RERE: variants seen among roughly 807,000 people sequenced by gnomAD.
RERE encodes arginine-glutamic acid dipeptide repeats protein.
RERE carries 40 observed loss-of-function variants against 146.1 expected under a neutral mutation model. That is an observed-to-expected ratio of 0.27 (90% confidence interval 0.21 to 0.36). The LOEUF is 0.36. Ranked by LOEUF, RERE falls within the 10% of genes least tolerant of loss-of-function variation. The pLI is 1.00. For missense variants in RERE, 1,933 were observed against 2,138.7 expected (o/e 0.90, Z 1.90); for synonymous variants, 1,003 against 866.0 (o/e 1.16, Z -2.78).
rs199558409 is a variant in RERE, at chr1:8,549,517, G to GA, written c.725+6957dup. ...TCCAATTAATAAGTGTAGAAGAAAA[G>GA]AAAAAAAAATGAAAAACCACCATAG... On this transcript the variant is annotated intron_variant, in intron 6 of 22. Coordinates refer to ENST00000400908, the MANE Select transcript of RERE (RefSeq NM_001042681.2). 3.5e-3 allele frequency among the ~76,000 whole-genome samples: 520 copies of GA among 150,382 alleles called. 1 individual carries two copies. The highest frequency in any genetic ancestry group is 0.012 in the African/African-American group (479 of 41,032).
At chr1:8,464,450 A>T (rs1644568919) in intron 11 of RERE, among the ~76,000 whole-genome samples, 1 of 152,026 alleles carries the variant, frequency 6.6e-6, no homozygotes, top group African/African-American at 2.4e-5. Flanking sequence ...ACCCCCAGAG[A>T]CCACCGGACT....
intron 4 of RERE, among the ~76,000 whole-genome samples, chr1:8,603,389 C>A (rs748241205): frequency 6.6e-6 from 1 of 152,192 alleles, no homozygotes; most frequent in Non-Finnish European, 1.5e-5. Context: ...AAAACCGAGT[C>A]ATTACAAGGA....
intron 1 of RERE, among the ~76,000 whole-genome samples, chr1:8,791,856 C>T (rs1569807068): frequency 6.6e-6 from 1 of 152,254 alleles, no homozygotes; most frequent in African/African-American, 2.4e-5. Context: ...GAAAAGAAAA[C>T]TTGTCAGAAA....
chr1:8,590,474 A>G (rs552558458), intron 4 of RERE, among the ~76,000 whole-genome samples: 6 of 152,268 alleles, frequency 3.9e-5, no homozygotes, highest in African/African-American at 9.6e-5. Flanking sequence ...AAATTAACTC[A>G]GGAAACAAAT....
chr1:8,545,156 T>C (rs947877472), intron 6 of RERE, among the ~76,000 whole-genome samples: 1 of 152,182 alleles, frequency 6.6e-6, no homozygotes, highest in Non-Finnish European at 1.5e-5. Flanking sequence ...CTTGCTGAAA[T>C]AACCAGTTCC....
chr1:8,705,583 G>C (rs1639541668), intron 1 of RERE, among the ~76,000 whole-genome samples: 1 of 152,150 alleles, frequency 6.6e-6, no homozygotes, highest in Non-Finnish European at 1.5e-5. Flanking sequence ...ATCTCCGTTT[G>C]TAAGTCATGG....
chr1:8,700,097 G>A (rs1160491122), intron 1 of RERE, among the ~76,000 whole-genome samples: 1 of 152,128 alleles, frequency 6.6e-6, no homozygotes, highest in Non-Finnish European at 1.5e-5. Flanking sequence ...ACAAGGTCAG[G>A]AGTTCGAGAC....
chr1:8,453,102 A>T (rs1644407495), intron 11 of RERE, among the ~76,000 whole-genome samples: 1 of 152,210 alleles, frequency 6.6e-6, no homozygotes, highest in Non-Finnish European at 1.5e-5. Context: ...AGGGAATGTG[A>T]GCTGATTATG....
intron 1 of RERE, among the ~76,000 whole-genome samples, chr1:8,758,908 GTATA>G (rs1160948043): frequency 6.6e-6 from 1 of 151,478 alleles, no homozygotes; most frequent in African/African-American, 2.4e-5. Flanking sequence ...ATTCCACAAT[GTATA>G]TATATTTCAA....
chr1:8,749,801 G>A (rs1640494214), intron 1 of RERE, among the ~76,000 whole-genome samples: 1 of 152,160 alleles, frequency 6.6e-6, no homozygotes, highest in Admixed American at 6.5e-5. Context: ...TTAAGGAAGA[G>A]AACGAGGTGA....
chr1:8,635,967 C>CTTATT lies in RERE; in HGVS notation c.326-11588_326-11587insAATAA, dbSNP rs1248672363. Among the ~76,000 whole-genome samples, 638 of 146,414 alleles carry CTTATT rather than the reference C, an allele frequency of 4.4e-3. 2 individuals carry two copies. The highest frequency in any genetic ancestry group is 6.6e-3 in the Non-Finnish European group (437 of 66,448). On this transcript the variant is annotated intron_variant, in intron 2 of 22. Coordinates refer to ENST00000400908, the MANE Select transcript of RERE (RefSeq NM_001042681.2). ...TTTATTTTATCTTATCTTATCTTAT[C>CTTATT]TTATCTTATCTTATTTTATTTTATT...
chr1:8,728,833 GCTAGCAA>G (rs1640024109), intron 1 of RERE, among the ~76,000 whole-genome samples: 1 of 152,204 alleles, frequency 6.6e-6, no homozygotes, highest in Non-Finnish European at 1.5e-5. Context: ...TGAAACAGCA[GCTAGCAA>G]CTAGGGCCAA....
intron 9 of RERE, 67 bp downstream of exon 9, chr1:8,497,338 G>A (rs1570339918): frequency 6.4e-7 from 1 of 1,556,548 alleles, no homozygotes; most frequent in African/African-American, 1.4e-5. Context: ...GAAATGCAAA[G>A]TTTACTGCCT....
chr1:8,805,595 G>A (rs1641673970), intron 1 of RERE, among the ~76,000 whole-genome samples: 1 of 150,812 alleles, frequency 6.6e-6, no homozygotes, highest in South Asian at 2.1e-4. Flanking sequence ...GTTGCAGTGA[G>A]CAGAGATTGC....
rs779002174 is a variant in RERE at position 8,355,440 on chromosome 1, G to A, written c.4646C>T (p.Pro1549Leu). Residue 1549 changes from proline (P) to leucine (L), a missense_variant, in exon 22 of 23, where the codon CCA (proline) becomes CTA (leucine). Physicochemically the swap from Pro to Leu is moderately conservative, Grantham distance 98. Coordinates refer to ENST00000400908, the MANE Select transcript of RERE (RefSeq NM_001042681.2). Reference protein sequence around the residue: ...GHPHMHGGHLPSQEDYYSRLK... With the variant: ...GHPHMHGGHLLSQEDYYSRLK... ...TCACCTGTAATAATCTTCCTGACTT[G>A]GTAGGTGGCCACCATGCATGTGGGG... 1.2e-6 allele frequency: 2 copies of A among 1,613,062 alleles called. No individual in the cohort carries two copies. The highest frequency in any genetic ancestry group is 1.7e-6 in the Non-Finnish European group (2 of 1,179,994).
chr1:8,771,792 C>T (rs1437694215), intron 1 of RERE, among the ~76,000 whole-genome samples: 1 of 150,978 alleles, frequency 6.6e-6, no homozygotes, highest in East Asian at 1.9e-4. Flanking sequence ...TGCCTGTAGT[C>T]CCAGCTACTC....
intron 11 of RERE, among the ~76,000 whole-genome samples, chr1:8,451,306 C>A (rs1195398721): frequency 6.6e-6 from 1 of 152,186 alleles, no homozygotes; most frequent in Non-Finnish European, 1.5e-5. Context: ...GTGGCACATG[C>A]CTATAATCCC....
At chr1:8,623,565 G>A (rs543482111) in intron 3 of RERE, among the ~76,000 whole-genome samples, 101 of 152,252 alleles carry the variant, frequency 6.6e-4, no homozygotes, top group Middle Eastern at 3.4e-3. Context: ...TTGTCCAGAC[G>A]TGTGAGATCA....
intron 11 of RERE, among the ~76,000 whole-genome samples, chr1:8,433,623 C>T (rs1226372849): frequency 3.3e-5 from 5 of 149,886 alleles, no homozygotes; most frequent in Non-Finnish European, 5.9e-5. Context: ...TGCAGTGGCG[C>T]AATCTCGGCT....
Sources: allele counts gnomAD v4.1 joint callset (sites outside exome capture counted in the v4.1 genomes callset), GRCh38; gene constraint gnomAD v4.1.1; transcripts MANE v1.5; gene names NCBI Gene and HGNC (gene_info 2026-07-23, HGNC 2026-07-21).